Variants in MEIS2 observed in about 807,000 individuals in gnomAD.
MEIS2 encodes the protein homeobox protein Meis2.
A neutral mutation model predicts 58.6 loss-of-function variants in MEIS2; 9 were observed. That is an observed-to-expected ratio of 0.15 (90% CI 0.09 to 0.27). The LOEUF (loss-of-function observed/expected upper bound fraction) is 0.27, where lower values mean the gene tolerates loss of function less well. MEIS2 is among the 10% of genes least tolerant of loss of function. The pLI is 1.00. For synonymous variants in MEIS2, 221 were observed against 228.4 expected (o/e 0.97, Z 0.29); for missense variants, 427 against 635.0 (o/e 0.67, Z 3.52).
rs1156468227 is a variant in MEIS2, at chr15:37,006,317, C to T, written c.900+30497G>A. ...AAATTAAGCCATGGCCTGGCAGTATCTCTTTCCCTCTGAAGGATACAGAAT... is the reference window on the plus strand; with the variant it reads ...AAATTAAGCCATGGCCTGGCAGTATTTCTTTCCCTCTGAAGGATACAGAAT... On this transcript the variant is annotated intron_variant, in intron 8 of 11. Transcript: ENST00000561208. 2.6e-5 allele frequency among the ~76,000 whole-genome samples: 4 copies of T among 152,188 alleles called. No homozygotes were observed. In the South Asian group the frequency reaches 6.2e-4, roughly 24 times the overall value.
At chr15:37,097,799 G>T (rs553086869) in intron 2 of MEIS2, among the ~76,000 whole-genome samples, 168 bp downstream of exon 2, 1 of 152,232 alleles carries the variant, frequency 6.6e-6, no homozygotes, top group African/African-American at 2.4e-5. Flanking sequence ...TGACTCCAGG[G>T]GCAGAAGAGC....
At chr15:36,949,385 C>T (rs1282438699) in intron 9 of MEIS2, among the ~76,000 whole-genome samples, 2 of 151,974 alleles carry the variant, frequency 1.3e-5, no homozygotes, top group Non-Finnish European at 2.9e-5. Flanking sequence ...GTCTGCCTGC[C>T]TGTATCCCAC....
chr15:36,959,827 A>T (rs1039573849), intron 8 of MEIS2, among the ~76,000 whole-genome samples: 1 of 152,162 alleles, frequency 6.6e-6, no homozygotes, highest in Admixed American at 6.5e-5. Flanking sequence ...AGGCTAAGGG[A>T]TTGCTTTAAA....
At chr15:36,894,941 G>A (rs550630780) in intron 11 of MEIS2, 5 of 951,012 alleles carry the variant, frequency 5.3e-6, no homozygotes, top group Admixed American at 1.8e-5. Flanking sequence ...AAAAGGATGT[G>A]TATGGGGCAG....
chr15:37,040,146 T>C (rs1050305434), intron 7 of MEIS2, among the ~76,000 whole-genome samples: 4 of 151,982 alleles, frequency 2.6e-5, no homozygotes, highest in African/African-American at 9.7e-5. Context: ...GCCAAATGAG[T>C]TTATGTGCTG....
At chr15:36,998,753 T>C (rs1327466959) in intron 8 of MEIS2, among the ~76,000 whole-genome samples, 2 of 152,200 alleles carry the variant, frequency 1.3e-5, no homozygotes, top group Non-Finnish European at 2.9e-5. Context: ...GCTTGAAGCG[T>C]ACTGCTCTGA....
intron 7 of MEIS2, among the ~76,000 whole-genome samples, chr15:37,064,103 C>T (rs904059265): frequency 3.9e-5 from 6 of 151,918 alleles, no homozygotes; most frequent in Non-Finnish European, 7.4e-5. Context: ...AACTTAAGGT[C>T]CAGTGATAAC....
intron 8 of MEIS2, among the ~76,000 whole-genome samples, chr15:36,950,633 T>A (rs1467630586): frequency 6.6e-6 from 1 of 151,882 alleles, no homozygotes; most frequent in Non-Finnish European, 1.5e-5. Context: ...AAGCAAGGAG[T>A]TTAAGTTATG....
chr15:37,000,621 A>C (rs1001842624), intron 8 of MEIS2, among the ~76,000 whole-genome samples: 1 of 152,072 alleles, frequency 6.6e-6, no homozygotes, highest in Non-Finnish European at 1.5e-5. Context: ...TCAGAGAAAG[A>C]GCCATTCTTC....
intron 8 of MEIS2, among the ~76,000 whole-genome samples, chr15:36,993,634 G>C (rs554874748): frequency 7.9e-5 from 12 of 152,154 alleles, no homozygotes; most frequent in African/African-American, 2.9e-4. Flanking sequence ...AAATATAAAG[G>C]CTGTGTGTAT....
chr15:36,996,081 T>A (rs1010386031), intron 8 of MEIS2, among the ~76,000 whole-genome samples: 6 of 145,828 alleles, frequency 4.1e-5, no homozygotes, highest in East Asian at 2.0e-4. Flanking sequence ...ATATATATAT[T>A]TTTAAATATT....
At chr15:36,935,215 A>C (rs1488092450) in intron 9 of MEIS2, among the ~76,000 whole-genome samples, 1 of 150,218 alleles carries the variant, frequency 6.7e-6, no homozygotes, top group East Asian at 1.9e-4. Flanking sequence ...GCGGAGGAGA[A>C]ATTCTTCTTT....
At chr15:36,947,905 A>C (rs2141381197) in intron 9 of MEIS2, among the ~76,000 whole-genome samples, 1 of 152,126 alleles carries the variant, frequency 6.6e-6, no homozygotes, top group Middle Eastern at 3.4e-3. Flanking sequence ...TGACTTCATC[A>C]AGGCATTGGG....
At chr15:36,934,083 C>T (rs887112554) in intron 9 of MEIS2, among the ~76,000 whole-genome samples, 4 of 152,044 alleles carry the variant, frequency 2.6e-5, no homozygotes, top group East Asian at 3.8e-4. Flanking sequence ...CTATTGGTAA[C>T]GAATATTGAA....
At chr15:36,932,161 T>C (rs2058006175) in intron 9 of MEIS2, among the ~76,000 whole-genome samples, 2 of 152,240 alleles carry the variant, frequency 1.3e-5, no homozygotes, top group Non-Finnish European at 1.5e-5. Context: ...GCAGACTTAA[T>C]CGCTAATGAC....
chr15:36,986,648 T>C (rs1332198606), intron 8 of MEIS2, among the ~76,000 whole-genome samples: 5 of 152,184 alleles, frequency 3.3e-5, no homozygotes, highest in Non-Finnish European at 7.4e-5. Flanking sequence ...GCTGGGTGGC[T>C]TCCTTTCTCA....
At chr15:37,083,618 A>G (rs1175235548) in intron 7 of MEIS2, among the ~76,000 whole-genome samples, 153 bp downstream of exon 7, 2 of 152,216 alleles carry the variant, frequency 1.3e-5, no homozygotes, top group African/African-American at 2.4e-5. Context: ...GTAAGTTAAG[A>G]AGAGGAAATA....
chr15:36,922,030 C>T (rs934234630), intron 9 of MEIS2, among the ~76,000 whole-genome samples: 1 of 152,186 alleles, frequency 6.6e-6, no homozygotes, highest in Admixed American at 6.5e-5. Context: ...GCTTAAATAA[C>T]ATTTTGGCTT....
At chr15:37,095,485 G>T (rs1271968241) in intron 4 of MEIS2, 79 bp downstream of exon 4, 2 of 1,605,670 alleles carry the variant, frequency 1.2e-6, no homozygotes, top group East Asian at 2.2e-5. Context: ...TAACTCCCCA[G>T]AGCTCCAGCA....
Sources: allele counts gnomAD v4.1 joint callset (sites outside exome capture counted in the v4.1 genomes callset), GRCh38; gene constraint gnomAD v4.1.1; transcripts MANE v1.5; gene names NCBI Gene and HGNC (gene_info 2026-07-23, HGNC 2026-07-21).